Variants in MAPK8 observed in about 807,000 individuals in gnomAD.
MAPK8 encodes the protein JUN N-terminal kinase.
MAPK8 carries 13 observed loss-of-function variants against 52.9 expected under a neutral mutation model. The ratio of observed to expected loss-of-function variants is 0.25; its 90% confidence interval spans 0.16 to 0.39. The LOEUF is 0.39. Ranked by LOEUF, MAPK8 falls within the 10% of genes least tolerant of loss-of-function variation. MAPK8 has a pLI of 1.00. For missense variants in MAPK8, 300 were observed against 519.2 expected (o/e 0.58, Z 4.10); for synonymous variants, 191 against 169.8 (o/e 1.12, Z -0.97).
chr10:48,420,124 G>A, intron 5 of MAPK8, 31 bp from the exon 6 acceptor site: 2 of 1,524,904 alleles, frequency 1.3e-6, no homozygotes, highest in East Asian at 2.3e-5. Context: ...ATATATCATG[G>A]CAGTCATTTT....
intron 3 of MAPK8, among the ~76,000 whole-genome samples, chr10:48,408,061 A>T (rs572443729): frequency 7.9e-5 from 12 of 152,232 alleles, no homozygotes; most frequent in African/African-American, 2.9e-4. Flanking sequence ...AAATATTTAA[A>T]TACCTTATGT....
intron 7 of MAPK8, chr10:48,425,263 C>T (rs181482320): frequency 1.2e-5 from 9 of 722,396 alleles, no homozygotes; most frequent in Middle Eastern, 4.6e-4. Context: ...AGTGTAAAGA[C>T]TAGAGGAAAG....
intron 11 of MAPK8, among the ~76,000 whole-genome samples, chr10:48,431,636 T>C (rs1001126455): frequency 1.3e-5 from 2 of 152,210 alleles, no homozygotes; most frequent in African/African-American, 2.4e-5. Context: ...CAAAATTTAG[T>C]ACATGTAATA....
intron 1 of MAPK8, among the ~76,000 whole-genome samples, chr10:48,330,655 C>T (rs778401485): frequency 2.0e-5 from 3 of 152,166 alleles, no homozygotes; most frequent in Non-Finnish European, 4.4e-5. Context: ...CAGGCACACC[C>T]GGGGCAGGTA....
chr10:48,387,454 T>C (rs1397516223), intron 1 of MAPK8, among the ~76,000 whole-genome samples: 1 of 152,204 alleles, frequency 6.6e-6, no homozygotes. Flanking sequence ...GGGAATCATC[T>C]GGAAAGAGCT....
intron 1 of MAPK8, among the ~76,000 whole-genome samples, chr10:48,340,510 AC>A (rs1195488596): frequency 6.6e-6 from 1 of 151,886 alleles, no homozygotes; most frequent in Non-Finnish European, 1.5e-5. Flanking sequence ...CATGTAACAA[AC>A]CTGCGTATGT....
At chr10:48,366,266 A>G (rs887367968) in intron 1 of MAPK8, among the ~76,000 whole-genome samples, 3 of 152,158 alleles carry the variant, frequency 2.0e-5, no homozygotes, top group Non-Finnish European at 2.9e-5. Flanking sequence ...AAACAAAAAA[A>G]ACCCCTAAGA....
chr10:48,321,454 G>C (rs1163437251), intron 1 of MAPK8, among the ~76,000 whole-genome samples: 1 of 152,066 alleles, frequency 6.6e-6, no homozygotes, highest in African/African-American at 2.4e-5. Context: ...ATTTTCTCCT[G>C]TTTCAGAGGT....
chr10:48,404,212 G>A lies in MAPK8; in HGVS notation c.123-640G>A, dbSNP rs191848984. Among the ~76,000 whole-genome samples, 1,026 of 148,986 alleles carry A rather than the reference G, an allele frequency of 6.9e-3. 15 individuals are homozygous for A. Among genetic ancestry groups the A allele is most frequent in the African/African-American group, 0.023 (931 of 40,456 alleles). ...GAGGGAGTCTACCAGGCTGGAGTGC[G>A]GTGGTGCGATCTTGGCTCACTGCAA... On this transcript the variant is annotated intron_variant, in intron 2 of 11. Transcript: ENST00000374189.
At chr10:48,387,359 C>A (rs572566711) in intron 1 of MAPK8, among the ~76,000 whole-genome samples, 1 of 152,148 alleles carries the variant, frequency 6.6e-6, no homozygotes, top group South Asian at 2.1e-4. Flanking sequence ...TACGGAGGGT[C>A]TGTGGGAGTA....
chr10:48,369,088 G>C (rs1848321959), intron 1 of MAPK8, among the ~76,000 whole-genome samples: 1 of 152,118 alleles, frequency 6.6e-6, no homozygotes, highest in African/African-American at 2.4e-5. Flanking sequence ...ACAGTTAAGG[G>C]GTATGGTGAG....
chr10:48,336,058 GC>G (rs1844651406), intron 1 of MAPK8, among the ~76,000 whole-genome samples: 1 of 152,080 alleles, frequency 6.6e-6, no homozygotes, highest in Admixed American at 6.5e-5. Flanking sequence ...GACTGACAGG[GC>G]TAGCAGAAAA....
intron 1 of MAPK8, among the ~76,000 whole-genome samples, chr10:48,326,620 GTATATC>G (rs1213966319): frequency 2.0e-5 from 3 of 152,072 alleles, no homozygotes; most frequent in African/African-American, 7.2e-5. Flanking sequence ...AGAAATATCT[GTATATC>G]TATGTGTCTA....
intron 3 of MAPK8, 75 bp from the exon 4 acceptor site, chr10:48,409,804 C>G: frequency 2.1e-6 from 2 of 950,980 alleles, no homozygotes; most frequent in South Asian, 3.0e-5. Flanking sequence ...TTTTTTAACT[C>G]ATGTATTTGT....
intron 1 of MAPK8, among the ~76,000 whole-genome samples, chr10:48,344,980 C>G (rs1408152205): frequency 1.3e-5 from 2 of 151,938 alleles, no homozygotes; most frequent in African/African-American, 2.4e-5. Flanking sequence ...CAAAGTGATA[C>G]AGAAGGGTTA....
At chr10:48,336,952 C>G (rs1844746346) in intron 1 of MAPK8, among the ~76,000 whole-genome samples, 1 of 152,082 alleles carries the variant, frequency 6.6e-6, no homozygotes, top group Non-Finnish European at 1.5e-5. Context: ...TATGCCATAC[C>G]CAGTGTTGTA....
chr10:48,407,499 C>T (rs900440599), intron 3 of MAPK8, among the ~76,000 whole-genome samples: 4 of 152,142 alleles, frequency 2.6e-5, no homozygotes, highest in African/African-American at 7.2e-5. Flanking sequence ...CACTACTAAT[C>T]ATTGACTTTT....
intron 1 of MAPK8, among the ~76,000 whole-genome samples, chr10:48,318,663 G>A (rs966269636): frequency 2.0e-5 from 3 of 152,162 alleles, no homozygotes; most frequent in East Asian, 3.8e-4. Flanking sequence ...AATCCTGAAC[G>A]TGAGGAGGCC....
chr10:48,416,939 C>G (rs918385916), intron 5 of MAPK8, among the ~76,000 whole-genome samples: 1 of 152,082 alleles, frequency 6.6e-6, no homozygotes, highest in Admixed American at 6.5e-5. Context: ...TGCTTCTTAC[C>G]TATAAAAGAT....
Sources: gnomAD v4.1 joint callset for allele counts (sites outside exome capture counted in the v4.1 genomes callset) on GRCh38, gnomAD v4.1.1 for gene constraint, MANE v1.5 for transcripts, NCBI Gene and HGNC (gene_info 2026-07-23, HGNC 2026-07-21) for gene names.